RGL1: variants seen among roughly 807,000 people sequenced by gnomAD.
RGL1 encodes the protein ral guanine nucleotide dissociation stimulator-like 1.
Under a neutral mutation model 95.2 loss-of-function variants are expected in RGL1, and 24 were observed. The ratio of observed to expected loss-of-function variants is 0.25; its 90% CI spans 0.18 to 0.35. The LOEUF is 0.35. RGL1 is among the 10% of genes least tolerant of loss of function. The probability of loss-of-function intolerance (pLI) is 1.00; values close to 1 mark genes in which losing one functional copy is unlikely to be tolerated. For missense variants in RGL1, 715 were observed against 936.3 expected, an observed-to-expected ratio of 0.76 and a Z score of 3.08; for synonymous variants, 329 against 344.9, an observed-to-expected ratio of 0.95 and a Z score of 0.51.
chr1:183,745,288 C>A (rs1572359278), intron 2 of RGL1, among the ~76,000 whole-genome samples: 1 of 152,072 alleles, frequency 6.6e-6, no homozygotes, highest in African/African-American at 2.4e-5. Context: ...TGATTTCATG[C>A]ACTAAAACAA....
intron 1 of RGL1, among the ~76,000 whole-genome samples, chr1:183,654,805 G>A (rs1651027722): frequency 6.6e-6 from 1 of 152,200 alleles, no homozygotes; most frequent in Non-Finnish European, 1.5e-5. Flanking sequence ...TGATTTTAGG[G>A]ATAGGCAACC....
chr1:183,832,273 A>T (rs1331727140), intron 2 of RGL1, among the ~76,000 whole-genome samples: 3 of 152,216 alleles, frequency 2.0e-5, no homozygotes, highest in African/African-American at 4.8e-5. Flanking sequence ...TACATTTATG[A>T]CTTGGGTCAT....
chr1:183,667,252 C>G (rs948048392), intron 1 of RGL1, among the ~76,000 whole-genome samples: 3 of 150,654 alleles, frequency 2.0e-5, no homozygotes, highest in African/African-American at 5.0e-5. Flanking sequence ...AACATATAGC[C>G]AGGTTTTGTT....
intron 15 of RGL1, 152 bp from the exon 16 acceptor site, chr1:183,916,295 A>G: frequency 1.1e-6 from 1 of 905,926 alleles, no homozygotes; most frequent in Non-Finnish European, 1.7e-6. Context: ...CAGAGTACTT[A>G]CACCAGGGAT....
chr1:183,706,962 T>C (rs1028771801), intron 1 of RGL1, among the ~76,000 whole-genome samples: 15 of 152,170 alleles, frequency 9.9e-5, no homozygotes, highest in African/African-American at 3.4e-4. Context: ...TGGTATACTT[T>C]CTCATGGCTT....
intron 2 of RGL1, among the ~76,000 whole-genome samples, chr1:183,748,838 T>G (rs1657818407): frequency 6.6e-6 from 1 of 152,222 alleles, no homozygotes; most frequent in Admixed American, 6.5e-5. Flanking sequence ...CTCACTGGTT[T>G]CAAAGGACTT....
At chr1:183,741,413 T>G (rs1459448326) in intron 1 of RGL1, among the ~76,000 whole-genome samples, 1 of 152,198 alleles carries the variant, frequency 6.6e-6, no homozygotes, top group Non-Finnish European at 1.5e-5. Flanking sequence ...AAGTAGACCT[T>G]GTAAAATTGG....
intron 1 of RGL1, among the ~76,000 whole-genome samples, chr1:183,644,172 T>C (rs1386993974): frequency 6.6e-6 from 1 of 152,166 alleles, no homozygotes. Context: ...TGTTATTATT[T>C]AGAGAAGCAT....
At chr1:183,664,015 A>T (rs1651852723) in intron 1 of RGL1, among the ~76,000 whole-genome samples, 1 of 139,692 alleles carries the variant, frequency 7.2e-6, no homozygotes, top group African/African-American at 2.7e-5. Flanking sequence ...TTGAACAATG[A>T]GAACACATGG....
At chr1:183,795,479 G>A (rs1021090814) in intron 2 of RGL1, among the ~76,000 whole-genome samples, 2 of 152,214 alleles carry the variant, frequency 1.3e-5, no homozygotes, top group African/African-American at 2.4e-5. Context: ...ATGTCCCAAA[G>A]ATGGAGAACC....
chr1:183,914,653 C>T (rs1399771517), intron 15 of RGL1, among the ~76,000 whole-genome samples: 1 of 152,154 alleles, frequency 6.6e-6, no homozygotes, highest in Non-Finnish European at 1.5e-5. Flanking sequence ...TTTCTTCATT[C>T]CCCGATCATG....
chr1:183,754,329 T>C (rs951214188), intron 2 of RGL1: 2 of 152,254 alleles, frequency 1.3e-5, no homozygotes, highest in Non-Finnish European at 2.9e-5. Flanking sequence ...TTGGGCTTTG[T>C]ATATTGTTCC....
At chr1:183,640,616 A>G (rs897224164) in intron 1 of RGL1, among the ~76,000 whole-genome samples, 6 of 152,184 alleles carry the variant, frequency 3.9e-5, no homozygotes, top group African/African-American at 1.4e-4. Flanking sequence ...GATGATATAA[A>G]ATGAAAGCTA....
At chr1:183,695,278 C>G (rs909527947) in intron 1 of RGL1, among the ~76,000 whole-genome samples, 2 of 152,208 alleles carry the variant, frequency 1.3e-5, no homozygotes, top group African/African-American at 4.8e-5. Context: ...TTCCATTCAC[C>G]TAAGTCAGCT....
rs1661221567 is a variant in RGL1, at chr1:183,805,385, C to T, written c.27+61C>T. The T allele has an allele frequency of 2.7e-6, 4 of 1,485,016 alleles. No homozygotes were observed. The South Asian group carries it at 3.5e-5, about 13-fold the overall frequency. 92.0% of individuals were successfully genotyped at this position (1,485,016 alleles called of 1,614,324 possible). On this transcript the variant is annotated intron_variant, in intron 1 of 17. Transcript: ENST00000360851. ...CTGGTGGGGAATCTTCTCCCGCTTT[C>T]GCTGGGCGTGTTTTGGACTCCCTCG...
intron 3 of RGL1, among the ~76,000 whole-genome samples, chr1:183,856,544 T>A (rs893865949): frequency 2.0e-5 from 3 of 149,166 alleles, no homozygotes; most frequent in Admixed American, 1.3e-4. Flanking sequence ...CCCTGTTCAG[T>A]TTTGGTCCAC....
At chr1:183,680,699 T>C (rs1318768169) in intron 1 of RGL1, among the ~76,000 whole-genome samples, 1 of 152,218 alleles carries the variant, frequency 6.6e-6, no homozygotes, top group Non-Finnish European at 1.5e-5. Context: ...AGTAGTTTTT[T>C]TCTGATTCTG....
Position 183,897,889 on chromosome 1 carries a change from A to G in RGL1, c.1222A>G (p.Lys408Glu). 1 of 1,613,840 alleles carries G rather than the reference A, an allele frequency of 6.2e-7. No homozygotes were observed. The highest frequency in any genetic ancestry group is 8.5e-7 in the Non-Finnish European group (1 of 1,179,752). ...TACCCAGAGGCGGCTGCAGCTCCAG[A>G]AGGACATGGTATGTCTGGCCCTCGT... ...KRTQRRLQLQ[K>E]DMGVMQGTVP... Residue 408 changes from lysine to glutamate, a missense_variant, in exon 10 of 18, where the codon AAG becomes GAG. Transcript: ENST00000360851.
In RGL1 at chr1:183,912,078, C is replaced by A. The variant is rs1436843053; in HGVS notation, c.1563-4C>A. The A allele has an allele frequency of 6.2e-7, 1 of 1,608,410 alleles. No homozygotes were observed. The highest frequency in any genetic ancestry group is 1.1e-5 in the South Asian group (1 of 90,118). ...CAAATGCTTGGCATTCTGTTTTTTT[C>A]CAGACTGTTTCTAGGGTCTGACATG... is the stretch of plus-strand genomic sequence containing the variant. On this transcript the variant is annotated splice_region_variant and splice_polypyrimidine_tract_variant and intron_variant, in intron 14 of 17. Coordinates refer to ENST00000360851, the MANE Select transcript of RGL1 (RefSeq NM_001297671.3).
Sources: allele counts gnomAD v4.1 joint callset (sites outside exome capture counted in the v4.1 genomes callset), GRCh38; gene constraint gnomAD v4.1.1; transcripts MANE v1.5; gene names NCBI Gene and HGNC (gene_info 2026-07-23, HGNC 2026-07-21).